IRAG2: variants seen among roughly 807,000 people sequenced by gnomAD.
The protein encoded by IRAG2 is lymphoid restricted membrane protein.
A neutral mutation model predicts 69.9 loss-of-function variants in IRAG2; 45 were observed. That is an observed-to-expected ratio of 0.64 (90% CI 0.51 to 0.83). IRAG2 has a LOEUF of 0.83. IRAG2 is among the 40% of genes least tolerant of loss of function. The pLI, the probability that IRAG2 is intolerant of heterozygous loss-of-function variation, is 0.00. For missense variants in IRAG2, 520 were observed against 587.0 expected, an observed-to-expected ratio of 0.89 and a Z score of 1.18; for synonymous variants, 193 against 202.4, an observed-to-expected ratio of 0.95 and a Z score of 0.40.
chr12:25,078,149 A>G (rs1946952545), intron 6 of IRAG2, among the ~76,000 whole-genome samples: 1 of 152,224 alleles, frequency 6.6e-6, no homozygotes, highest in African/African-American at 2.4e-5. Flanking sequence ...TAATAAGTAA[A>G]TCTTTTCTTG....
Position 25,039,403 on chromosome 12 carries a change from A to G in IRAG2, c.2144+1266A>G, listed in dbSNP as rs148463797. On this transcript the variant is annotated intron_variant, in intron 16 of 38. Coordinates refer to the IRAG2 transcript ENST00000636465. ...AAGTGGACACGCAGCTTCCTTACAC[A>G]GATACCGTCTCCACAAAAGGCAGCG... Among the ~76,000 whole-genome samples, 3 of 152,342 alleles carry G rather than the reference A, an allele frequency of 2.0e-5. No homozygotes were observed. The East Asian group carries it at 5.8e-4, about 29-fold the overall frequency.
chr12:25,004,006 T>C (rs760528190), upstream of IRAG2, among the ~76,000 whole-genome samples: 1 of 152,228 alleles, frequency 6.6e-6, no homozygotes, highest in Non-Finnish European at 1.5e-5. Context: ...ATTCTCTTTC[T>C]GTCAGAGAAT....
chr12:25,097,083 A>T, intron 15 of IRAG2, 39 bp downstream of exon 15: 1 of 1,550,440 alleles, frequency 6.4e-7, no homozygotes, highest in Non-Finnish European at 8.7e-7. Flanking sequence ...ATGAAATTAC[A>T]AAAAAGATTC....
chr12:25,060,865 G>T (rs964048796), intron 1 of IRAG2, among the ~76,000 whole-genome samples: 1 of 150,662 alleles, frequency 6.6e-6, no homozygotes, highest in Non-Finnish European at 1.5e-5. Context: ...ATGGGGTTTT[G>T]TCCTGTTGGC....
At chr12:25,011,304 G>C (rs1458104622) in intron 2 of IRAG2, 1 of 1,179,456 alleles carries the variant, frequency 8.5e-7, no homozygotes, top group Admixed American at 4.2e-5. Flanking sequence ...AAAGAGATAG[G>C]TGCTTCACTT....
At chr12:25,003,647 TCAGA>T (rs1464433481), upstream of IRAG2, among the ~76,000 whole-genome samples, 1 of 152,080 alleles carries the variant, frequency 6.6e-6, no homozygotes, top group Non-Finnish European at 1.5e-5. Context: ...TATGCTGGAG[TCAGA>T]CATTCTTTGA....
chr12:25,013,342 G>T (rs992852405), intron 3 of IRAG2, among the ~76,000 whole-genome samples: 1 of 152,188 alleles, frequency 6.6e-6, no homozygotes, highest in Non-Finnish European at 1.5e-5. Context: ...GCCAGGAGTG[G>T]TGGCATGCGC....
rs1406986848 is a variant in IRAG2, at chr12:25,106,959, G to T, written c.1165G>T (p.Glu389Ter). ...KCELKTKDDS[E>*]PSGEETVERT... ...TATTTACAGAACTAAAGATGACTCA[G>T]AGCCATCTGGAGAAGAAACAGTAGA... Residue 389 changes from glutamate to a stop codon, truncating the protein, a stop_gained, in exon 21 of 22, where the codon GAG (glutamate) becomes TAG (stop). Transcript: ENST00000556887. LOFTEE classifies it high-confidence loss of function. 6.3e-7 allele frequency: 1 copy of T among 1,590,948 alleles called. No homozygotes were observed.
intron 1 of IRAG2, among the ~76,000 whole-genome samples, chr12:25,056,783 C>T (rs1241103736): frequency 6.6e-6 from 1 of 152,192 alleles, no homozygotes; most frequent in Non-Finnish European, 1.5e-5. Flanking sequence ...ATAGAACTCT[C>T]ACCTTCCTCA....
intron 6 of IRAG2, among the ~76,000 whole-genome samples, chr12:25,077,308 GATATATATGATATATATATGAT>G (rs1470623059): frequency 5.7e-5 from 1 of 17,664 alleles, no homozygotes; most frequent in African/African-American, 1.8e-4. Context: ...AAATATATAT[GATATATATGATATATATATGAT>G]ATATATATGA....
chr12:25,010,844 G>T (rs1944468694), intron 2 of IRAG2, among the ~76,000 whole-genome samples: 1 of 152,062 alleles, frequency 6.6e-6, no homozygotes, highest in Non-Finnish European at 1.5e-5. Context: ...ACATAGTTTG[G>T]ATGATTTTCT....
At chr12:25,001,419 C>A (rs1469048223), upstream of IRAG2, among the ~76,000 whole-genome samples, 4 of 152,024 alleles carry the variant, frequency 2.6e-5, no homozygotes, top group African/African-American at 9.7e-5. Flanking sequence ...GCACTCCAGC[C>A]TGGGTAACAG....
At chr12:25,056,419 AAGTAT>A (rs1945264056) in intron 1 of IRAG2, among the ~76,000 whole-genome samples, 1 of 152,164 alleles carries the variant, frequency 6.6e-6, no homozygotes, top group South Asian at 2.1e-4. Context: ...GTAATCTGGG[AAGTAT>A]AGTATAATGA....
upstream of IRAG2, among the ~76,000 whole-genome samples, chr12:25,001,711 T>C (rs1944392164): frequency 1.3e-5 from 2 of 151,838 alleles, no homozygotes. Context: ...TCTGGTTCTA[T>C]AAGGGAGAAA....
At chr12:25,056,830 G>A (rs859123) in intron 1 of IRAG2, among the ~76,000 whole-genome samples, 122,626 of 152,166 alleles carry the variant, frequency 0.81, 51,366 homozygotes, top group East Asian at 0.97. Flanking sequence ...TGCTGAACAG[G>A]CAACAGGAAC....
chr12:25,079,402 T>C lies in IRAG2; in HGVS notation c.76T>C (p.Tyr26His). The change falls in exon 8 of 22, where the codon TAT becomes CAT. Residue 26 changes from tyrosine (Y) to histidine (H), a missense_variant. Tyr to His is a moderately conservative substitution (Grantham distance 83). Transcript: ENST00000556887. ...CPESLLQSRE[Y>H]SSLPLPRHTS... ...TGTTTGCTATCTTTTTGGCAGGGAA[T>C]ATTCCTCACTACCATTACCCAGACA... is the stretch of plus-strand genomic sequence containing the variant. The C allele has an allele frequency of 6.2e-7, 1 of 1,613,566 alleles. No homozygotes were observed.
intron 8 of IRAG2, chr12:25,026,775 A>G (rs898671100): frequency 4.3e-6 from 5 of 1,175,812 alleles, no homozygotes; most frequent in Admixed American, 4.2e-5. Flanking sequence ...CAAGAATACT[A>G]TCTTTTACAT....
At chr12:25,022,828 T>A (rs1291046743) in intron 7 of IRAG2, among the ~76,000 whole-genome samples, 7 of 152,278 alleles carry the variant, frequency 4.6e-5, no homozygotes, top group South Asian at 2.1e-4. Flanking sequence ...GTCAATTTTT[T>A]AAAAAATGGT....
chr12:25,067,219 A>C (rs1164229637), intron 5 of IRAG2, among the ~76,000 whole-genome samples: 1 of 152,090 alleles, frequency 6.6e-6, no homozygotes, highest in Non-Finnish European at 1.5e-5. Context: ...CTTTAAGTAC[A>C]CAGACTAATC....
Sources: gnomAD v4.1 joint callset for allele counts (sites outside exome capture counted in the v4.1 genomes callset) on GRCh38, gnomAD v4.1.1 for gene constraint, MANE v1.5 for transcripts, NCBI Gene and HGNC (gene_info 2026-07-23, HGNC 2026-07-21) for gene names.